Variants in RBFOX1 observed in about 807,000 individuals in gnomAD.
RBFOX1 encodes RNA binding fox-1 homolog 1.
Under a neutral mutation model 57.7 loss-of-function variants are expected in RBFOX1, and 8 were observed. The ratio of observed to expected loss-of-function variants is 0.14; its 90% CI spans 0.08 to 0.25. RBFOX1 has a LOEUF of 0.25. Among genes scored for constraint, RBFOX1 ranks in the 10% least tolerant of loss-of-function variants. The pLI, the probability that RBFOX1 is intolerant of heterozygous loss-of-function variation, is 1.00. For synonymous variants in RBFOX1, 326 were observed against 222.4 expected, an observed-to-expected ratio of 1.47 and a Z score of -4.15; for missense variants, 611 against 548.5, an observed-to-expected ratio of 1.11 and a Z score of -1.14.
intron 4 of RBFOX1, among the ~76,000 whole-genome samples, chr16:7,246,174 T>G (rs547451296): frequency 7.5e-4 from 114 of 152,344 alleles, no homozygotes; most frequent in African/African-American, 2.7e-3. Flanking sequence ...AAGCCAAGAC[T>G]AATTTAGAAT....
intron 2 of RBFOX1, among the ~76,000 whole-genome samples, chr16:6,450,790 C>CATATATATACACAT (rs2094582633): frequency 2.8e-5 from 1 of 35,146 alleles, no homozygotes; most frequent in African/African-American, 1.3e-4. Flanking sequence ...TATATATATA[C>CATATATATACACAT]ATATATATAT....
At chr16:7,166,221 C>A (rs1466336104) in intron 4 of RBFOX1, among the ~76,000 whole-genome samples, 5 of 151,962 alleles carry the variant, frequency 3.3e-5, no homozygotes, top group Non-Finnish European at 7.4e-5. Flanking sequence ...GCCATGTAGG[C>A]CAGGCTGGTC....
intron 3 of RBFOX1, among the ~76,000 whole-genome samples, chr16:5,835,287 C>T (rs963780854): frequency 6.6e-6 from 1 of 152,104 alleles, no homozygotes; most frequent in Admixed American, 6.5e-5. Flanking sequence ...GGAAGCCATG[C>T]GTCCCACCAC....
intron 3 of RBFOX1, among the ~76,000 whole-genome samples, chr16:5,818,297 G>C (rs1216630190): frequency 6.6e-6 from 1 of 152,176 alleles, no homozygotes; most frequent in Non-Finnish European, 1.5e-5. Flanking sequence ...CCATTACCCC[G>C]GCAGGAAAGC....
chr16:5,736,083 C>G (rs1376738474), intron 3 of RBFOX1, among the ~76,000 whole-genome samples: 1 of 152,002 alleles, frequency 6.6e-6, no homozygotes, highest in Non-Finnish European at 1.5e-5. Flanking sequence ...ACGTCCATGA[C>G]TCATTCATTT....
chr16:6,319,507 G>C (rs1050222456), intron 2 of RBFOX1, among the ~76,000 whole-genome samples: 2 of 152,162 alleles, frequency 1.3e-5, no homozygotes, highest in Non-Finnish European at 2.9e-5. Context: ...ACTCCTGATG[G>C]AGTATTGTGT....
chr16:7,028,807 C>T (rs1324850353), intron 3 of RBFOX1, among the ~76,000 whole-genome samples: 1 of 150,838 alleles, frequency 6.6e-6, no homozygotes, highest in Non-Finnish European at 1.5e-5. Context: ...CATTGGCGAT[C>T]AACAAAGCCA....
intron 4 of RBFOX1, among the ~76,000 whole-genome samples, chr16:5,903,314 G>A (rs1234760877): frequency 1.3e-5 from 2 of 152,106 alleles, no homozygotes. Context: ...TCCCTGCTGT[G>A]CATGCTCCAG....
chr16:7,501,695 T>G (rs1051475029), intron 4 of RBFOX1, among the ~76,000 whole-genome samples: 4 of 152,244 alleles, frequency 2.6e-5, no homozygotes, highest in Non-Finnish European at 5.9e-5. Flanking sequence ...CATATTGTTT[T>G]GTCAGTCTGT....
At chr16:6,085,642 G>A (rs1375507473) in intron 1 of RBFOX1, among the ~76,000 whole-genome samples, 1 of 135,452 alleles carries the variant, frequency 7.4e-6, no homozygotes. Context: ...AGAAGTAGCA[G>A]TGTGTGTTTG....
chr16:5,887,852 T>G (rs921186174), intron 4 of RBFOX1, among the ~76,000 whole-genome samples: 2 of 152,218 alleles, frequency 1.3e-5, no homozygotes, highest in South Asian at 4.1e-4. Context: ...AGAGATTTTT[T>G]GCATACCTGC....
At chr16:6,754,091 C>T (rs755138490) in intron 3 of RBFOX1, among the ~76,000 whole-genome samples, 23 of 152,132 alleles carry the variant, frequency 1.5e-4, no homozygotes, top group Non-Finnish European at 1.6e-4. Flanking sequence ...ATAATTTTAC[C>T]TAAGTATTTT....
At chr16:7,366,967 T>C (rs901708812) in intron 4 of RBFOX1, among the ~76,000 whole-genome samples, 3 of 152,220 alleles carry the variant, frequency 2.0e-5, no homozygotes, top group Non-Finnish European at 4.4e-5. Context: ...TGATCGATTG[T>C]ACTTTTGTCA....
At chr16:6,916,810 T>G (rs1201266433) in intron 3 of RBFOX1, among the ~76,000 whole-genome samples, 2 of 152,158 alleles carry the variant, frequency 1.3e-5, no homozygotes, top group Non-Finnish European at 2.9e-5. Context: ...CTTCGAAGTT[T>G]GAATTTGTAC....
At chr16:6,360,948 TTTTTA>T (rs71145217) in intron 2 of RBFOX1, among the ~76,000 whole-genome samples, 8 of 150,290 alleles carry the variant, frequency 5.3e-5, no homozygotes, top group South Asian at 2.1e-4. Flanking sequence ...TTTCACATCT[TTTTTA>T]TTTTATTTTA....
At chr16:5,909,858 G>T (rs1248129039) in intron 4 of RBFOX1, among the ~76,000 whole-genome samples, 1 of 152,042 alleles carries the variant, frequency 6.6e-6, no homozygotes, top group African/African-American at 2.4e-5. Context: ...TTCGAGACCA[G>T]CCTGACCAAT....
At chr16:7,184,011 G>A (rs1350654692) in intron 4 of RBFOX1, among the ~76,000 whole-genome samples, 3 of 152,202 alleles carry the variant, frequency 2.0e-5, no homozygotes, top group African/African-American at 7.2e-5. Flanking sequence ...GAAATGATGA[G>A]GGGCGATGCA....
chr16:6,363,083 A>G (rs2088893814), intron 2 of RBFOX1, among the ~76,000 whole-genome samples: 1 of 152,230 alleles, frequency 6.6e-6, no homozygotes, highest in Admixed American at 6.5e-5. Flanking sequence ...AAATTCTACC[A>G]GAAGAATCAT....
chr16:5,515,578 C>T (rs2043762290), intron 2 of RBFOX1, among the ~76,000 whole-genome samples: 1 of 152,218 alleles, frequency 6.6e-6, no homozygotes, highest in South Asian at 2.1e-4. Flanking sequence ...AGATGTATTT[C>T]CTTCATTACT....
Sources: allele counts gnomAD v4.1 joint callset (sites outside exome capture counted in the v4.1 genomes callset), GRCh38; gene constraint gnomAD v4.1.1; transcripts MANE v1.5; gene names NCBI Gene and HGNC (gene_info 2026-07-23, HGNC 2026-07-21).